HOOK2: variants seen among roughly 807,000 people sequenced by gnomAD.
The protein encoded by HOOK2 is hook microtubule tethering protein 2, also known as protein Hook homolog 2.
In HOOK2, 108 loss-of-function variants were observed where a neutral mutation model predicts 111.9. The observed-to-expected ratio is 0.96, with a 90% CI of 0.83 to 1.13. The LOEUF (loss-of-function observed/expected upper bound fraction) is 1.13. HOOK2 is among the 50% of genes most tolerant of loss of function. HOOK2 has a pLI of 0.00. For missense variants in HOOK2, 978 were observed against 951.3 expected, an observed-to-expected ratio of 1.03 and a Z score of -0.37; for synonymous variants, 405 against 394.3, an observed-to-expected ratio of 1.03 and a Z score of -0.32.
At chr19:12,774,530 T>C (rs778110065) in intron 3 of HOOK2, 139 bp downstream of exon 3, 27 of 829,566 alleles carry the variant, frequency 3.3e-5, no homozygotes, top group Non-Finnish European at 5.5e-5. Context: ...GAGTACTCCA[T>C]AGATGAATGG....
rs1251936373 is a variant in HOOK2, at chr19:12,767,465, C to T, written c.1304-1G>A. ...GTGGAGGTGGGATCCAGTGAGGGAT[C>T]TGAAGAATGCGAGAAAAGTCTTCAG... On this transcript the variant is annotated splice_acceptor_variant, in intron 13 of 22. Transcript: ENST00000397668. LOFTEE classifies it high-confidence loss of function. 6.2e-7 allele frequency: 1 copy of T among 1,613,688 alleles called. No individual in the cohort carries two copies. The highest frequency in any genetic ancestry group is 2.2e-5 in the East Asian group (1 of 44,878).
At chr19:12,784,605 A>G (rs1179231223) in intron 3 of HOOK2, 1 of 152,406 alleles carries the variant, frequency 6.6e-6, no homozygotes, top group Non-Finnish European at 1.5e-5. Flanking sequence ...GACAAACACA[A>G]TAGGCTAGAA....
intron 10 of HOOK2, among the ~76,000 whole-genome samples, chr19:12,770,644 G>A (rs1262795100): frequency 6.8e-6 from 1 of 147,486 alleles, no homozygotes. Context: ...TTGTAGGGGA[G>A]GTTCTTGTGT....
At chr19:12,783,752 A>G (rs1039633898) in intron 3 of HOOK2, among the ~76,000 whole-genome samples, 1 of 152,156 alleles carries the variant, frequency 6.6e-6, no homozygotes, top group Non-Finnish European at 1.5e-5. Flanking sequence ...GAAACTCTGC[A>G]TCCAGGGTTG....
chr19:12,764,587 CA>C, intron 20 of HOOK2: 1 of 562,624 alleles, frequency 1.8e-6, no homozygotes, highest in Non-Finnish European at 3.2e-6. Flanking sequence ...CTTGACCTCC[CA>C]AAGTGCTGGG....
upstream of HOOK2, among the ~76,000 whole-genome samples, chr19:12,780,156 A>G (rs1424411045): frequency 6.6e-6 from 1 of 150,670 alleles, no homozygotes; most frequent in African/African-American, 2.4e-5. Context: ...TCTCAAAAAC[A>G]ACAACAACCA....
chr19:12,766,587 G>T, intron 14 of HOOK2: 1 of 294,848 alleles, frequency 3.4e-6, no homozygotes, highest in Non-Finnish European at 6.3e-6. Flanking sequence ...GTTAGTTTTG[G>T]CTTTTTGTTT....
upstream of HOOK2, among the ~76,000 whole-genome samples, chr19:12,778,904 T>A (rs1239877149): frequency 5.3e-5 from 8 of 152,086 alleles, no homozygotes; most frequent in Non-Finnish European, 4.4e-5. Flanking sequence ...AGCTTCTATG[T>A]CGGCGGGGAA....
Position 12,786,338 on chromosome 19 carries a change from C to T in HOOK2, n.42-12113G>A, listed in dbSNP as rs573088382. Among the ~76,000 whole-genome samples the T allele has an allele frequency of 6.6e-6, 1 of 152,202 alleles. No homozygotes were observed. Among genetic ancestry groups the T allele is most frequent in the Admixed American group, 6.5e-5 (1 of 15,302 alleles). ...CCCAGCCCAGTTTCCTAGTGAGGGCCCCACTGGTCAGTGGGGCCAGCAGGG... is the reference window on the plus strand; with the variant it reads ...CCCAGCCCAGTTTCCTAGTGAGGGCTCCACTGGTCAGTGGGGCCAGCAGGG... On this transcript the variant is annotated intron_variant and non_coding_transcript_variant, in intron 3 of 3. Transcript: ENST00000589765. This position sits in a 1 kb window ranked among gnomAD's most constrained non-coding sequence, Gnocchi z 4.3.
Position 12,770,026 on chromosome 19 carries a change from C to T in HOOK2, c.959G>A (p.Arg320His). 6.5e-7 allele frequency: 1 copy of T among 1,540,578 alleles called. No individual in the cohort carries two copies. The highest frequency in any genetic ancestry group is 8.7e-7 in the Non-Finnish European group (1 of 1,146,780). ...LEATLTSCRR[R>H]LGELRELRRQ... ...CCGCAGCTCCCTCAGCTCGCCCAAG[C>T]GGCGCCGGCAACTGGTCAGCGTGGC... Residue 320 changes from arginine to histidine, a missense_variant, in exon 11 of 23, where the codon CGC becomes CAC. Arg to His is a conservative substitution (Grantham distance 29). Around this residue, in one of 5 missense-constraint regions of HOOK2, gnomAD observed 388 missense variants for 358.3 expected, o/e 1.08. Transcript: ENST00000397668.
Position 12,766,250 on chromosome 19 carries a change from CGGGAGGAGAGAGCAGGGCCA to C in HOOK2, c.1374-30_1374-11del. On this transcript the variant is annotated splice_polypyrimidine_tract_variant and intron_variant, in intron 14 of 22. Transcript: ENST00000397668. ...CCGCAGGAGCGTCTCCCTGCAGACC[CGGGAGGAGAGAGCAGGGCCA>C]GGGTCGAGTCACCTCGCAGGCTCGC... 6.4e-7 allele frequency: 1 copy of C among 1,559,694 alleles called. No individual in the cohort carries two copies. Among genetic ancestry groups the C allele is most frequent in the Non-Finnish European group, 8.6e-7 (1 of 1,158,900 alleles).
At position 12,775,510 on chromosome 19, in the gene HOOK2, C is replaced by T. The variant is rs570618975; in HGVS notation, c.-61G>A. The stretch of plus-strand genomic sequence containing the variant: ...CCGGCGCCGCAGCAGCCTCCGGGTC[C>T]GCCACCAGCGAGCGCCCGCAGCCCC... On this transcript the variant is annotated 5_prime_UTR_variant, in exon 1 of 23. Transcript: ENST00000397668. 305 of 1,560,246 alleles carry T rather than the reference C, an allele frequency of 2.0e-4. No individual in the cohort carries two copies. Among genetic ancestry groups the T allele is most frequent in the Middle Eastern group, 9.1e-4 (5 of 5,476 alleles).
At chr19:12,778,080 C>T (rs545590073), upstream of HOOK2, among the ~76,000 whole-genome samples, 3 of 152,288 alleles carry the variant, frequency 2.0e-5, no homozygotes, top group African/African-American at 7.2e-5. Flanking sequence ...CTCTGCAACC[C>T]CTCCCCGGTA....
intron 1 of HOOK2, 25 bp downstream of exon 1, chr19:12,775,379 TC>T (rs1968470629): frequency 6.2e-7 from 1 of 1,607,426 alleles, no homozygotes; most frequent in Non-Finnish European, 8.5e-7. Context: ...GCGCTCACCT[TC>T]CCCTAGCCCC....
At chr19:12,777,540 G>T (rs570162619), upstream of HOOK2, among the ~76,000 whole-genome samples, 4 of 152,370 alleles carry the variant, frequency 2.6e-5, no homozygotes, top group African/African-American at 7.2e-5. Flanking sequence ...TAGATAAGGG[G>T]ACACGGGTAT....
Position 12,775,549 on chromosome 19 carries a change from G to T in HOOK2, c.-100C>A. 8.1e-7 allele frequency: 1 copy of T among 1,235,886 alleles called. No individual in the cohort carries two copies. Among genetic ancestry groups the T allele is most frequent in the Non-Finnish European group, 1.1e-6 (1 of 941,470 alleles). The allele number at this position is 1,235,886 out of a possible 1,614,324, so 76.6% of individuals were successfully genotyped here. On this transcript the variant is annotated 5_prime_UTR_variant, in exon 1 of 23. Transcript: ENST00000397668. The stretch of plus-strand genomic sequence containing the variant: ...GCCCGCAGCCCCGACCTCCCGCTCG[G>T]CCTAGAGCGCCGCCCCGCCCCGCCC...
chr19:12,781,182 G>C (rs1315780128), upstream of HOOK2, among the ~76,000 whole-genome samples: 1 of 103,296 alleles, frequency 9.7e-6, no homozygotes, highest in Admixed American at 9.9e-5. Context: ...GGGCGCCTGT[G>C]GTCCCAGCTA....
At position 12,763,545 on chromosome 19, in the gene HOOK2, T is replaced by C; in HGVS notation, c.1993A>G (p.Ser665Gly). The part of the protein sequence containing the change: ...QREQEEKLLI[S>G]AWYNMGMALQ... ...ACACTTACCATATTATACCAGGCAC[T>C]GATGAGCAGCTTTTCTTCCTGCTCC... is the stretch of plus-strand genomic sequence containing the variant. Residue 665 changes from serine (S) to glycine (G), a missense_variant, in exon 22 of 23, where the codon AGT becomes GGT. Physicochemically the swap from Ser to Gly is moderately conservative, Grantham distance 56. This residue lies in a region of HOOK2 where 277 missense variants were observed against 265.8 expected (regional missense o/e 1.04). Coordinates refer to ENST00000397668, the MANE Select transcript of HOOK2 (RefSeq NM_013312.3). 1.9e-6 allele frequency: 3 copies of C among 1,614,238 alleles called. No individual in the cohort carries two copies. The highest frequency in any genetic ancestry group is 2.5e-6 in the Non-Finnish European group (3 of 1,180,042).
At chr19:12,782,739 C>T (rs1001431384), upstream of HOOK2, among the ~76,000 whole-genome samples, 1 of 152,174 alleles carries the variant, frequency 6.6e-6, no homozygotes, top group Non-Finnish European at 1.5e-5. Flanking sequence ...CTTGGGGCGC[C>T]GGTGAAACCC....
Sources: allele counts gnomAD v4.1 joint callset (sites outside exome capture counted in the v4.1 genomes callset), GRCh38; gene constraint gnomAD v4.1.1; regional missense constraint gnomAD v4.1.1; non-coding constraint Gnocchi (gnomAD v3.1); transcripts MANE v1.5; gene names NCBI Gene and HGNC (gene_info 2026-07-23, HGNC 2026-07-21).